Variants in SLC5A4 observed in about 807,000 individuals in gnomAD.
The protein encoded by SLC5A4 is probable glucose sensor protein SLC5A4.
SLC5A4 carries 55 observed loss-of-function variants against 70.3 expected under a neutral mutation model. That is an observed-to-expected ratio of 0.78 (90% CI 0.63 to 0.98). The LOEUF is 0.98. Among genes scored for constraint, SLC5A4 ranks in the 50% least tolerant of loss-of-function variants. The pLI, the probability that SLC5A4 is intolerant of heterozygous loss-of-function variation, is 0.00. For missense variants in SLC5A4, 735 were observed against 839.2 expected (o/e 0.88, Z 1.53); for synonymous variants, 268 against 305.7 (o/e 0.88, Z 1.29).
At position 32,223,101 on chromosome 22, in the gene SLC5A4, A is replaced by AT. The variant is rs553869857; in HGVS notation, c.1665+1165dup. Among the ~76,000 whole-genome samples, 532 of 152,140 alleles carry AT rather than the reference A, an allele frequency of 3.5e-3. 2 individuals carry two copies. The highest frequency in any genetic ancestry group is 0.011 in the African/African-American group (466 of 41,516). ...TTTTCCACTTAACCATATTATGAAC[A>AT]TTTTTTTCCAAAGTGAATAATAGAG... On this transcript the variant is annotated intron_variant, in intron 13 of 14. Coordinates refer to ENST00000266086, the MANE Select transcript of SLC5A4 (RefSeq NM_014227.3).
the SLC5A4 span, chr22:32,272,363 A>G: frequency 8.0e-6 from 7 of 876,314 alleles, no homozygotes; most frequent in Admixed American, 1.2e-4. Flanking sequence ...ATCAGCCAGA[A>G]GATTTTCCTG....
At chr22:32,316,808 G>C in the SLC5A4 span, among the ~76,000 whole-genome samples, 1 of 152,084 alleles carries the variant, frequency 6.6e-6, no homozygotes, top group Non-Finnish European at 1.5e-5. Flanking sequence ...AAAGTGCTGG[G>C]ATTACAGGCA....
the SLC5A4 span, among the ~76,000 whole-genome samples, chr22:32,315,177 T>C: frequency 1.3e-5 from 2 of 152,186 alleles, no homozygotes; most frequent in South Asian, 4.1e-4. Context: ...AAGTTGTAAA[T>C]GGAGCACTGC....
chr22:32,264,244 G>T, the SLC5A4 span, among the ~76,000 whole-genome samples: 1 of 151,804 alleles, frequency 6.6e-6, no homozygotes, highest in East Asian at 1.9e-4. Flanking sequence ...ACTGGACGAT[G>T]ACCTTTCTTT....
the SLC5A4 span, among the ~76,000 whole-genome samples, chr22:32,310,049 C>T: frequency 6.3e-4 from 5 of 7,886 alleles, no homozygotes; most frequent in Non-Finnish European, 9.7e-4. Context: ...TGGGTGGCAG[C>T]GGGGTGGGGA....
the SLC5A4 span, among the ~76,000 whole-genome samples, chr22:32,316,831 C>T: frequency 1.1e-4 from 16 of 152,256 alleles, no homozygotes; most frequent in Admixed American, 3.3e-4. Context: ...AGCCACCACG[C>T]CCTGCCTAGT....
chr22:32,251,926 C>T (rs1441256146), intron 2 of SLC5A4, 52 bp from the exon 3 acceptor site: 6 of 1,364,230 alleles, frequency 4.4e-6, no homozygotes, highest in Non-Finnish European at 6.3e-6. Flanking sequence ...CCAAATCAGA[C>T]TTCTTGAAAA....
the SLC5A4 span, among the ~76,000 whole-genome samples, chr22:32,326,744 G>A: frequency 6.6e-6 from 1 of 152,204 alleles, no homozygotes; most frequent in African/African-American, 2.4e-5. Flanking sequence ...TAGAGTTGAG[G>A]GTTTTGGGAG....
intron 7 of SLC5A4, among the ~76,000 whole-genome samples, chr22:32,236,552 CCTA>C (rs1926069474): frequency 6.6e-6 from 1 of 152,108 alleles, no homozygotes; most frequent in African/African-American, 2.4e-5. Context: ...CAAATTTTTT[CCTA>C]CTATTTAATC....
chr22:32,278,138 C>T, the SLC5A4 span, among the ~76,000 whole-genome samples: 5 of 152,312 alleles, frequency 3.3e-5, no homozygotes, highest in South Asian at 2.1e-4. Flanking sequence ...ACTTTGAGAA[C>T]ATCTCTCTAA....
the SLC5A4 span, among the ~76,000 whole-genome samples, chr22:32,315,235 T>TA: frequency 0.12 from 17,717 of 152,050 alleles, 1,397 homozygotes; most frequent in Non-Finnish European, 0.18. Context: ...GCAGGACTAT[T>TA]AAAGCCAATC....
At chr22:32,248,654 C>A in intron 4 of SLC5A4, 89 bp downstream of exon 4, 2 of 942,148 alleles carry the variant, frequency 2.1e-6, no homozygotes, top group Non-Finnish European at 3.5e-6. Context: ...TTTTTCCTGG[C>A]AATACTCATT....
the SLC5A4 span, among the ~76,000 whole-genome samples, chr22:32,343,561 T>C: frequency 6.6e-6 from 1 of 152,234 alleles, no homozygotes; most frequent in African/African-American, 2.4e-5. Context: ...CATGAAAACA[T>C]AAATCTCTAT....
chr22:32,335,755 C>A, the SLC5A4 span, among the ~76,000 whole-genome samples: 1 of 152,294 alleles, frequency 6.6e-6, no homozygotes, highest in African/African-American at 2.4e-5. Flanking sequence ...CAGGGTGTGA[C>A]AGACTCAATC....
At position 32,221,015 on chromosome 22, in the gene SLC5A4, C is replaced by A. The variant is rs74530943; in HGVS notation, c.1673G>T (p.Arg558Leu). The change falls in exon 14 of 15, where the codon CGC (arginine) becomes CTC (leucine). Residue 558 changes from arginine to leucine, a missense_variant. Transcript: ENST00000266086. ...TKPIPDVHLYRLCWVLRNSTE... is the reference protein window; with the variant it reads ...TKPIPDVHLYLLCWVLRNSTE... ...ACTGTTCCGAAGAACCCAGCACAGG[C>A]GGTACAGCTGAACAGGGACCATACA... is the stretch of plus-strand genomic sequence containing the variant. The A allele has an allele frequency of 2.2e-5, 36 of 1,611,252 alleles. No individual in the cohort carries two copies. The South Asian group carries it at 4.0e-4, about 18-fold the overall frequency.
chr22:32,271,632 T>C, the SLC5A4 span: 1 of 631,410 alleles, frequency 1.6e-6, no homozygotes, highest in African/African-American at 1.8e-5. Flanking sequence ...GGAGTGTTCA[T>C]CTGCGGCCCC....
At chr22:32,228,555 T>C (rs1455257872) in intron 11 of SLC5A4, among the ~76,000 whole-genome samples, 3 of 139,440 alleles carry the variant, frequency 2.2e-5, no homozygotes, top group Non-Finnish European at 4.7e-5. Flanking sequence ...AAAAAAAAAA[T>C]GCTATGACAA....
the SLC5A4 span, among the ~76,000 whole-genome samples, chr22:32,323,448 C>T: frequency 2.0e-5 from 3 of 152,312 alleles, no homozygotes; most frequent in African/African-American, 4.8e-5. Context: ...GGTTCAGTTA[C>T]GGCCTGACCC....
At chr22:32,257,672 T>C (rs1167612068), upstream of SLC5A4, among the ~76,000 whole-genome samples, 1 of 105,100 alleles carries the variant, frequency 9.5e-6, no homozygotes, top group Non-Finnish European at 1.7e-5. Context: ...TTTTTTTTAA[T>C]TTTTTTTTTT....
Sources: allele counts gnomAD v4.1 joint callset (sites outside exome capture counted in the v4.1 genomes callset), GRCh38; gene constraint gnomAD v4.1.1; transcripts MANE v1.5; gene names NCBI Gene and HGNC (gene_info 2026-07-23, HGNC 2026-07-21).